Variants in FBXO11 observed in about 807,000 individuals in gnomAD.
FBXO11 encodes F-box only protein 11.
A neutral mutation model predicts 117.0 loss-of-function variants in FBXO11; 13 were observed. The observed-to-expected ratio is 0.11, with a 90% CI of 0.07 to 0.18. The LOEUF (loss-of-function observed/expected upper bound fraction) is 0.18, where lower values mean the gene tolerates loss of function less well. Among genes scored for constraint, FBXO11 ranks in the 10% least tolerant of loss-of-function variants. FBXO11 has a pLI of 1.00. For missense variants in FBXO11, 767 were observed against 1,164.4 expected, an observed-to-expected ratio of 0.66 and a Z score of 4.97; for synonymous variants, 490 against 380.5, an observed-to-expected ratio of 1.29 and a Z score of -3.35.
At chr2:47,831,481 G>C (rs1030858834) in intron 11 of FBXO11, among the ~76,000 whole-genome samples, 63 of 136,242 alleles carry the variant, frequency 4.6e-4, no homozygotes, top group Admixed American at 4.4e-3. Context: ...TCTTTGTATA[G>C]ATGAATCCAA....
chr2:47,869,990 A>T (rs916782956), intron 1 of FBXO11, among the ~76,000 whole-genome samples: 5 of 152,118 alleles, frequency 3.3e-5, no homozygotes, highest in African/African-American at 4.8e-5. Context: ...ATTAGAATTT[A>T]AATTGGTGAA....
At chr2:47,825,425 AAG>A (rs1671678008) in intron 11 of FBXO11, among the ~76,000 whole-genome samples, 1 of 152,086 alleles carries the variant, frequency 6.6e-6, no homozygotes, top group Non-Finnish European at 1.5e-5. Flanking sequence ...AAAAAACAAA[AAG>A]AGGCTAGACA....
At chr2:47,869,149 A>G (rs1453396198) in intron 1 of FBXO11, among the ~76,000 whole-genome samples, 1 of 152,210 alleles carries the variant, frequency 6.6e-6, no homozygotes, top group Non-Finnish European at 1.5e-5. Flanking sequence ...GGTCCAGGAA[A>G]CAAACGGTGG....
intron 1 of FBXO11, among the ~76,000 whole-genome samples, chr2:47,863,154 T>C (rs1343695203): frequency 6.6e-6 from 1 of 151,010 alleles, no homozygotes; most frequent in Admixed American, 6.6e-5. Context: ...TGCCTTCAAA[T>C]CTATTTCAAT....
intron 1 of FBXO11, 51 bp downstream of exon 1, chr2:47,905,438 C>A: frequency 8.4e-7 from 1 of 1,196,692 alleles, no homozygotes; most frequent in Non-Finnish European, 1.0e-6. Context: ...CCCGGCCTCC[C>A]TTCCCGCGGT....
intron 2 of FBXO11, 43 bp from the exon 3 acceptor site, chr2:47,839,543 C>T (rs1672857023): frequency 1.2e-6 from 2 of 1,603,010 alleles, no homozygotes; most frequent in South Asian, 1.1e-5. Flanking sequence ...ATATTCTTAT[C>T]ATCCATAATC....
At chr2:47,872,652 C>T (rs529228167) in intron 1 of FBXO11, among the ~76,000 whole-genome samples, 7 of 152,226 alleles carry the variant, frequency 4.6e-5, no homozygotes, top group Middle Eastern at 3.4e-3. Flanking sequence ...GACATTAAGA[C>T]ATTATATTTT....
intron 1 of FBXO11, among the ~76,000 whole-genome samples, chr2:47,888,296 T>G (rs2103961615): frequency 6.6e-6 from 1 of 152,318 alleles, no homozygotes; most frequent in South Asian, 2.1e-4. Context: ...ATCTGGAGAC[T>G]TGGGCTCTAA....
chr2:47,905,317 G>A (rs1161394592), intron 1 of FBXO11, 172 bp downstream of exon 1: 6 of 589,714 alleles, frequency 1.0e-5, no homozygotes, highest in East Asian at 5.9e-5. Context: ...CCTGCCGGCC[G>A]GGCCCGGCCC....
At chr2:47,886,945 T>A (rs561238016) in intron 1 of FBXO11, among the ~76,000 whole-genome samples, 34 of 152,028 alleles carry the variant, frequency 2.2e-4, no homozygotes, top group African/African-American at 8.2e-4. Flanking sequence ...AGGCAGAGGT[T>A]GAGGCTACAC....
intron 1 of FBXO11, chr2:47,888,587 T>C: frequency 1.4e-6 from 1 of 721,736 alleles, no homozygotes; most frequent in Non-Finnish European, 1.7e-6. Flanking sequence ...CCTTTTTCTT[T>C]TAAAAATTAC....
At chr2:47,821,037 T>C (rs1277441312) in intron 13 of FBXO11, among the ~76,000 whole-genome samples, 1 of 152,222 alleles carries the variant, frequency 6.6e-6, no homozygotes, top group Non-Finnish European at 1.5e-5. Flanking sequence ...TATATTAAAC[T>C]ACCACAGAAA....
chr2:47,819,748 T>G (rs936852473), intron 14 of FBXO11, among the ~76,000 whole-genome samples: 2 of 152,180 alleles, frequency 1.3e-5, no homozygotes. Context: ...CAAAATGATA[T>G]GGCTTCATGT....
chr2:47,858,571 A>C (rs1222014140), intron 1 of FBXO11, among the ~76,000 whole-genome samples: 2 of 149,512 alleles, frequency 1.3e-5, no homozygotes, highest in Non-Finnish European at 1.5e-5. Flanking sequence ...AATTCCAGCT[A>C]TTCAGGAGGC....
chr2:47,826,745 T>C (rs1340808967), intron 11 of FBXO11, among the ~76,000 whole-genome samples: 1 of 152,188 alleles, frequency 6.6e-6, no homozygotes, highest in Non-Finnish European at 1.5e-5. Flanking sequence ...AACTTGTTGC[T>C]AGTTGTCCAA....
At chr2:47,871,837 G>C (rs796442269) in intron 1 of FBXO11, among the ~76,000 whole-genome samples, 2 of 152,166 alleles carry the variant, frequency 1.3e-5, no homozygotes, top group Admixed American at 1.3e-4. Flanking sequence ...TTTTTGACAT[G>C]AGCAATGTGC....
intron 1 of FBXO11, among the ~76,000 whole-genome samples, chr2:47,840,429 G>A (rs1300978407): frequency 6.6e-6 from 1 of 151,196 alleles, no homozygotes; most frequent in African/African-American, 2.4e-5. Context: ...GGGTGTCAGA[G>A]GGTAGTCTGG....
intron 1 of FBXO11, among the ~76,000 whole-genome samples, chr2:47,864,920 A>G (rs764756200): frequency 6.6e-6 from 1 of 152,254 alleles, no homozygotes; most frequent in Non-Finnish European, 1.5e-5. Flanking sequence ...TACTTTAAGT[A>G]AAATATTAGT....
At chr2:47,836,144 G>C in intron 4 of FBXO11, 143 bp from the exon 5 acceptor site, 1 of 551,816 alleles carries the variant, frequency 1.8e-6, no homozygotes. Context: ...TAAATCACAG[G>C]ATTTTTTTTT....
Sources: allele counts gnomAD v4.1 joint callset (sites outside exome capture counted in the v4.1 genomes callset), GRCh38; gene constraint gnomAD v4.1.1; transcripts MANE v1.5; gene names NCBI Gene and HGNC (gene_info 2026-07-23, HGNC 2026-07-21).